Variants in PFKFB3 observed in about 807,000 individuals in gnomAD.
The protein encoded by PFKFB3 is 6-phosphofructo-2-kinase/fructose-2,6-bisphosphatase 3.
In PFKFB3, 33 loss-of-function variants were observed where a neutral mutation model predicts 68.0. The observed-to-expected ratio is 0.49, with a 90% confidence interval of 0.37 to 0.65. PFKFB3 has a LOEUF of 0.65. PFKFB3 is among the 30% of genes least tolerant of loss of function. PFKFB3 has a pLI of 0.00. For synonymous variants in PFKFB3, 315 were observed against 288.2 expected (o/e 1.09, Z -0.94); for missense variants, 586 against 712.2 (o/e 0.82, Z 2.02).
chr10:6,145,643 C>T (rs1841362480), intron 1 of PFKFB3, among the ~76,000 whole-genome samples: 1 of 152,168 alleles, frequency 6.6e-6, no homozygotes, highest in Admixed American at 6.5e-5. Flanking sequence ...CTCTGACCCC[C>T]GGGCAGTCAT....
intron 1 of PFKFB3, among the ~76,000 whole-genome samples, chr10:6,190,110 A>T (rs1842983563): frequency 6.6e-6 from 1 of 150,884 alleles, no homozygotes; most frequent in African/African-American, 2.4e-5. Flanking sequence ...CGCCCAGCTA[A>T]TTTTTGTGTT....
At chr10:6,210,049 G>A (rs933897434) in intron 1 of PFKFB3, among the ~76,000 whole-genome samples, 1 of 123,556 alleles carries the variant, frequency 8.1e-6, no homozygotes, top group African/African-American at 2.5e-5. Flanking sequence ...ACCGTGCCCG[G>A]CCTAATACTT....
At chr10:6,266,467 G>A in the PFKFB3 span, among the ~76,000 whole-genome samples, 6 of 152,146 alleles carry the variant, frequency 3.9e-5, no homozygotes, top group South Asian at 8.3e-4. Flanking sequence ...ACAAGCCCTC[G>A]GTCCTAGATC....
At chr10:6,231,573 G>A in intron 14 of PFKFB3, 1 of 985,380 alleles carries the variant, frequency 1.0e-6, no homozygotes, top group Non-Finnish European at 1.2e-6. Context: ...CATCACCTGT[G>A]GGTGCCGGAA....
At chr10:6,202,911 C>A (rs553359827), upstream of PFKFB3, 2 of 1,168,468 alleles carry the variant, frequency 1.7e-6, no homozygotes, top group African/African-American at 1.7e-5. Context: ...CTTTAAAAGC[C>A]GGCGGTGCGC....
chr10:6,297,810 T>G, the PFKFB3 span, among the ~76,000 whole-genome samples: 1 of 152,298 alleles, frequency 6.6e-6, no homozygotes, highest in South Asian at 2.1e-4. Flanking sequence ...AGGGTCCTCT[T>G]TCCTATCTGT....
rs940415174 is a variant in PFKFB3 at position 6,220,335 on chromosome 10, T to C, written c.624-323T>C. Among the ~76,000 whole-genome samples the C allele has an allele frequency of 3.3e-5, 5 of 152,220 alleles. No homozygotes were observed. The highest frequency in any genetic ancestry group is 2.6e-4 in the Admixed American group (4 of 15,282). On this transcript the variant is annotated intron_variant, in intron 7 of 14. Transcript: ENST00000379775. The surrounding 1 kb of genome is among the most constrained non-coding windows in gnomAD (Gnocchi z 4.1). The stretch of plus-strand genomic sequence containing the variant: ...CCAGGCTGGTCTTGAACTTCTAGAC[T>C]CAAGCAATCCTCTTGCCTCGGCCTC...
rs1442279252 is a variant in PFKFB3 at position 6,177,477 on chromosome 10, TTTC to T, written c.16+32467_16+32469del. On this transcript the variant is annotated intron_variant, in intron 1 of 14. Coordinates refer to the PFKFB3 transcript ENST00000379789. ...CTTTCTTTCTTTCTTTCTTTCTTTC[TTTC>T]TTTCTTTTTCTTTTCTTTCTCTCTC... is the stretch of plus-strand genomic sequence containing the variant. Among the ~76,000 whole-genome samples the T allele has an allele frequency of 3.9e-3, 568 of 146,602 alleles. 25 individuals are homozygous for T. In the East Asian group the frequency reaches 0.049, roughly 13 times the overall value.
In PFKFB3 at chr10:6,215,188, G is replaced by C. The variant is rs113717553; in HGVS notation, c.203-33G>C. ...GTGAGCTGGCCCCTTCCTCCTGCTCGATCATCCAGACTGTTCTCTTTCCCG... is the reference window on the plus strand; with the variant it reads ...GTGAGCTGGCCCCTTCCTCCTGCTCCATCATCCAGACTGTTCTCTTTCCCG... On this transcript the variant is annotated intron_variant, in intron 2 of 14. Transcript: ENST00000379775. The surrounding 1 kb of genome is among the most constrained non-coding windows in gnomAD (Gnocchi z 4.3). 3.8e-6 allele frequency: 6 copies of C among 1,591,498 alleles called. No homozygotes were observed. Among genetic ancestry groups the C allele is most frequent in the Middle Eastern group, 1.7e-4 (1 of 6,012 alleles).
rs182084419 is a variant in PFKFB3, at chr10:6,165,558, G to A, written c.16+20545G>A. 4.9e-3 allele frequency among the ~76,000 whole-genome samples: 743 copies of A among 152,264 alleles called. 5 individuals carry two copies. Among genetic ancestry groups the A allele is most frequent in the Non-Finnish European group, 7.1e-3 (480 of 68,006 alleles). On this transcript the variant is annotated intron_variant, in intron 1 of 14. Coordinates refer to the PFKFB3 transcript ENST00000379789. Reference sequence around the variant, plus strand: ...CAGGTCAGTTACACAGAGCCGGCAGGGATGAACATGTCTGGCGTTCTTTGC... The same window carrying A: ...CAGGTCAGTTACACAGAGCCGGCAGAGATGAACATGTCTGGCGTTCTTTGC...
the PFKFB3 span, among the ~76,000 whole-genome samples, chr10:6,276,280 G>A: frequency 3.3e-5 from 5 of 152,002 alleles, no homozygotes; most frequent in Non-Finnish European, 7.4e-5. Context: ...AATGGGAGGG[G>A]TTGTTGTTTA....
chr10:6,161,964 T>C (rs1841986920), intron 1 of PFKFB3, among the ~76,000 whole-genome samples: 1 of 152,226 alleles, frequency 6.6e-6, no homozygotes, highest in African/African-American at 2.4e-5. Context: ...TTCAGTGTTG[T>C]ACAACCATCA....
intron 1 of PFKFB3, among the ~76,000 whole-genome samples, chr10:6,185,976 C>G (rs983618976): frequency 6.6e-6 from 1 of 152,054 alleles, no homozygotes; most frequent in African/African-American, 2.4e-5. Context: ...GCCCCTCTCC[C>G]AGTGGTATAA....
chr10:6,293,138 A>G, the PFKFB3 span: 1 of 448,502 alleles, frequency 2.2e-6, no homozygotes, highest in Non-Finnish European at 4.5e-6. Context: ...GCTTTTCATC[A>G]TGCTTGGTGT....
intron 1 of PFKFB3, among the ~76,000 whole-genome samples, chr10:6,165,967 A>G (rs925513335): frequency 6.9e-6 from 1 of 144,130 alleles, no homozygotes; most frequent in South Asian, 2.2e-4. Context: ...GGCGTGGATC[A>G]CCAGGCTCAA....
At chr10:6,278,433 A>G in the PFKFB3 span, among the ~76,000 whole-genome samples, 1 of 151,360 alleles carries the variant, frequency 6.6e-6, no homozygotes, top group East Asian at 1.9e-4. Flanking sequence ...GCACCACCAC[A>G]GCCAGCTAAT....
chr10:6,167,863 C>T (rs1842188287), intron 1 of PFKFB3, among the ~76,000 whole-genome samples: 1 of 152,230 alleles, frequency 6.6e-6, no homozygotes, highest in Admixed American at 6.5e-5. Context: ...AGATAGCCAG[C>T]CCAGCCCTAA....
intron 1 of PFKFB3, among the ~76,000 whole-genome samples, chr10:6,183,968 G>C (rs187516362): frequency 6.6e-6 from 1 of 151,942 alleles, no homozygotes; most frequent in South Asian, 2.1e-4. Context: ...GGGATTACAG[G>C]TGTGAGCCAC....
At chr10:6,163,794 G>C (rs1452872866) in intron 1 of PFKFB3, 1 of 151,720 alleles carries the variant, frequency 6.6e-6, no homozygotes, top group Non-Finnish European at 1.5e-5. Context: ...CGGGCCGTGC[G>C]GCACGCCGCG....
Sources: gnomAD v4.1 joint callset for allele counts (sites outside exome capture counted in the v4.1 genomes callset) on GRCh38, gnomAD v4.1.1 for gene constraint, Gnocchi (gnomAD v3.1) non-coding constraint, MANE v1.5 for transcripts, NCBI Gene and HGNC (gene_info 2026-07-23, HGNC 2026-07-21) for gene names.